The following CRISP1 variants were observed in gnomAD, a reference collection of about 807,000 sequenced individuals.
CRISP1 encodes the protein cysteine rich secretory protein 1, also known as cysteine-rich secretory protein 1.
CRISP1 carries 44 observed loss-of-function variants against 33.1 expected under a neutral mutation model. That is an observed-to-expected ratio of 1.33 (90% CI 1.05 to 1.71). The LOEUF is 1.71. Among genes scored for constraint, CRISP1 ranks in the 40% most tolerant of loss-of-function variants. The pLI is 0.00. For synonymous variants in CRISP1, 103 were observed against 98.7 expected, an observed-to-expected ratio of 1.04 and a Z score of -0.26; for missense variants, 390 against 301.2, an observed-to-expected ratio of 1.29 and a Z score of -2.18.
intron 1 of CRISP1, among the ~76,000 whole-genome samples, chr6:49,860,646 CA>C (rs1286396211): frequency 6.6e-6 from 1 of 151,994 alleles, no homozygotes; most frequent in East Asian, 1.9e-4. Flanking sequence ...TTTATACTGA[CA>C]AACAACTACC....
intron 6 of CRISP1, 112 bp from the exon 7 acceptor site, chr6:49,838,637 A>T: frequency 1.4e-6 from 1 of 708,800 alleles, no homozygotes; most frequent in South Asian, 2.0e-5. Context: ...ATTCTTGTAA[A>T]GAACAGTGAT....
chr6:49,876,133 G>C (rs368757201), intron 1 of CRISP1, among the ~76,000 whole-genome samples: 2 of 151,754 alleles, frequency 1.3e-5, no homozygotes, highest in Admixed American at 6.6e-5. Context: ...AAATTTTTTC[G>C]GTCTATTCAT....
chr6:49,845,522 G>A (rs1771135687), intron 5 of CRISP1, among the ~76,000 whole-genome samples: 1 of 152,134 alleles, frequency 6.6e-6, no homozygotes, highest in South Asian at 2.1e-4. Context: ...AATTGCTGGT[G>A]GGAACGTAAA....
intron 2 of CRISP1, among the ~76,000 whole-genome samples, chr6:49,855,512 C>T (rs1222061549): frequency 6.6e-6 from 1 of 151,544 alleles, no homozygotes; most frequent in Non-Finnish European, 1.5e-5. Context: ...CATGCCTGTA[C>T]CTTTGATAGT....
intron 7 of CRISP1, among the ~76,000 whole-genome samples, chr6:49,837,745 T>C (rs1252764624): frequency 6.6e-6 from 1 of 152,138 alleles, no homozygotes; most frequent in Non-Finnish European, 1.5e-5. Flanking sequence ...GACTTATTAC[T>C]AGTATAATTT....
intron 7 of CRISP1, among the ~76,000 whole-genome samples, chr6:49,836,630 C>A (rs1025431554): frequency 5.3e-5 from 8 of 152,102 alleles, no homozygotes; most frequent in African/African-American, 1.7e-4. Flanking sequence ...TGAGCCACCG[C>A]GCCCGGCCTA....
chr6:49,839,226 A>G (rs980794011), intron 6 of CRISP1, among the ~76,000 whole-genome samples: 6 of 143,292 alleles, frequency 4.2e-5, no homozygotes, highest in Non-Finnish European at 9.1e-5. Flanking sequence ...CTTGAGCCCG[A>G]AAGTTTGAGA....
chr6:49,863,477 C>T (rs1365287545), intron 1 of CRISP1, among the ~76,000 whole-genome samples: 1 of 152,188 alleles, frequency 6.6e-6, no homozygotes, highest in African/African-American at 2.4e-5. Context: ...CTTCTTAACA[C>T]AATTATTTTA....
At position 49,840,924 on chromosome 6, in the gene CRISP1, A is replaced by G; in HGVS notation, c.507T>C (p.Tyr169=). ...CATGACAATAGTGACAAACGTAGAG[A>G]TATCGAGGTGATCCTTGTTGGCGGC... ...ASCRQQGSPR[Y]LYVCHYCHEG... Residue 169 remains tyrosine, a synonymous_variant, in exon 6 of 8, where the codon TAT becomes TAC. Transcript: ENST00000335847. 2 of 1,613,852 alleles carry G rather than the reference A, an allele frequency of 1.2e-6. No homozygotes were observed. The highest frequency in any genetic ancestry group is 1.7e-6 in the Non-Finnish European group (2 of 1,179,830).
chr6:49,843,469 T>C lies in CRISP1; in HGVS notation c.436-2474A>G, dbSNP rs546603139. Among the ~76,000 whole-genome samples, 8 of 152,312 alleles carry C rather than the reference T, an allele frequency of 5.3e-5. No homozygotes were observed. The South Asian group carries it at 1.7e-3, about 32-fold the overall frequency. On this transcript the variant is annotated intron_variant, in intron 5 of 7. Coordinates refer to ENST00000335847, the MANE Select transcript of CRISP1 (RefSeq NM_001131.3). Reference sequence around the variant, plus strand: ...TTTGTGTAACTTACCAATGGGCACATGTGAGAACATAGTGAAAGGAAGCAG... The same window carrying C: ...TTTGTGTAACTTACCAATGGGCACACGTGAGAACATAGTGAAAGGAAGCAG...
intron 2 of CRISP1, 113 bp from the exon 3 acceptor site, chr6:49,852,242 A>C: frequency 1.1e-6 from 1 of 951,378 alleles, no homozygotes; most frequent in Non-Finnish European, 1.5e-6. Flanking sequence ...ACAGTGATTT[A>C]TAGCATTTTT....
At chr6:49,876,196 GAAA>G in intron 1 of CRISP1, among the ~76,000 whole-genome samples, 2 of 151,818 alleles carry the variant, frequency 1.3e-5, no homozygotes, top group Admixed American at 1.3e-4. Flanking sequence ...AAATTTGCAA[GAAA>G]AAAACACCAC....
upstream of CRISP1, among the ~76,000 whole-genome samples, chr6:49,870,228 TAC>T (rs1771891276): frequency 6.6e-6 from 1 of 152,150 alleles, no homozygotes. Flanking sequence ...GAGATTTAGA[TAC>T]AGTTAATTTG....
chr6:49,845,290 C>A (rs1021166253), intron 5 of CRISP1, among the ~76,000 whole-genome samples: 1 of 152,112 alleles, frequency 6.6e-6, no homozygotes, highest in Admixed American at 6.6e-5. Flanking sequence ...CTCTCTCTGG[C>A]TCCTCTTTTG....
chr6:49,835,147 G>A lies in CRISP1; in HGVS notation c.*169C>T, dbSNP rs1770743819. The A allele has an allele frequency of 1.1e-5, 7 of 614,272 alleles. No individual in the cohort carries two copies. Among genetic ancestry groups the A allele is most frequent in the Non-Finnish European group, 1.9e-5 (7 of 374,066 alleles). The allele number at this position is 614,272 out of a possible 1,614,324, so 38.1% of individuals were successfully genotyped here. A position where few individuals can be genotyped will look rare whatever the true frequency, so the allele number is the denominator to read the frequency against. On this transcript the variant is annotated 3_prime_UTR_variant, in exon 8 of 8. Coordinates refer to ENST00000335847, the MANE Select transcript of CRISP1 (RefSeq NM_001131.3). ...GACCTTTTACTCCAGCACTAAGAAA[G>A]TTTAAAACAGTGTTACTTCAGGATG...
chr6:49,855,574 G>A (rs1048009307), intron 2 of CRISP1, among the ~76,000 whole-genome samples: 3 of 151,842 alleles, frequency 2.0e-5, no homozygotes, highest in Non-Finnish European at 4.4e-5. Flanking sequence ...CAGGTATACC[G>A]TGTGCTCAGA....
chr6:49,867,001 A>G (rs1481662499), upstream of CRISP1, among the ~76,000 whole-genome samples: 3 of 152,276 alleles, frequency 2.0e-5, no homozygotes, highest in South Asian at 4.1e-4. Flanking sequence ...GAATGAAAAG[A>G]TAAGTAGTCC....
At position 49,837,003 on chromosome 6, in the gene CRISP1, CAT is replaced by C. The variant is rs1388136160; in HGVS notation, c.622+1432_622+1433del. Among the ~76,000 whole-genome samples the C allele has an allele frequency of 6.6e-5, 10 of 151,844 alleles. No homozygotes were observed. In the East Asian group the frequency reaches 1.4e-3, roughly 21 times the overall value. The stretch of plus-strand genomic sequence containing the variant: ...TGGATTTTTTTTTCTTTAGCAGTAA[CAT>C]ATATTTTCTTTGAATCTGTAAAGTG... On this transcript the variant is annotated intron_variant, in intron 7 of 7. Transcript: ENST00000335847.
At position 49,873,703 on chromosome 6, in the gene CRISP1, T is replaced by C. The variant is rs538330048; in HGVS notation, c.-3+3306A>G. On this transcript the variant is annotated intron_variant, in intron 1 of 7. Coordinates refer to the CRISP1 transcript ENST00000505118. ...CTTTCAAGATTATGTATTGCTTATATTATTGGTGGTAAAATTTCTACCTTT... is the reference window on the plus strand; with the variant it reads ...CTTTCAAGATTATGTATTGCTTATACTATTGGTGGTAAAATTTCTACCTTT... Among the ~76,000 whole-genome samples, 32 of 152,240 alleles carry C rather than the reference T, an allele frequency of 2.1e-4. 1 individual carries two copies. The highest frequency in any genetic ancestry group is 6.2e-4 in the South Asian group (3 of 4,834).
Sources: gnomAD v4.1 joint callset for allele counts (sites outside exome capture counted in the v4.1 genomes callset) on GRCh38, gnomAD v4.1.1 for gene constraint, MANE v1.5 for transcripts, NCBI Gene and HGNC (gene_info 2026-07-23, HGNC 2026-07-21) for gene names.